ADAM32: variants seen among roughly 807,000 people sequenced by gnomAD.
The protein encoded by ADAM32 is disintegrin and metalloproteinase domain-containing protein 32.
ADAM32 carries 89 observed loss-of-function variants against 114.9 expected under a neutral mutation model. The observed-to-expected ratio is 0.77, with a 90% CI of 0.65 to 0.92. The LOEUF is 0.92. Ranked by LOEUF, ADAM32 falls within the 40% of genes least tolerant of loss-of-function variation. ADAM32 has a pLI of 0.00. For missense variants in ADAM32, 870 were observed against 932.8 expected, an observed-to-expected ratio of 0.93 and a Z score of 0.88; for synonymous variants, 285 against 307.5, an observed-to-expected ratio of 0.93 and a Z score of 0.77.
At chr8:39,154,655 A>C (rs1195024098) in intron 6 of ADAM32, among the ~76,000 whole-genome samples, 1 of 152,200 alleles carries the variant, frequency 6.6e-6, no homozygotes, top group East Asian at 1.9e-4. Flanking sequence ...CACTCCCACC[A>C]ACAGTGTAAA....
intron 11 of ADAM32, among the ~76,000 whole-genome samples, chr8:39,191,790 A>T (rs1806631205): frequency 6.6e-6 from 1 of 151,930 alleles, no homozygotes; most frequent in Non-Finnish European, 1.5e-5. Flanking sequence ...TTTTGTTGTA[A>T]TTGCTTTTGG....
At chr8:39,209,846 C>G (rs1808096954) in intron 11 of ADAM32, among the ~76,000 whole-genome samples, 2 of 152,148 alleles carry the variant, frequency 1.3e-5, no homozygotes, top group African/African-American at 2.4e-5. Context: ...AGGAGTTGCT[C>G]TCTATACTGC....
chr8:39,272,888 AAC>A (rs1287808903), intron 20 of ADAM32, among the ~76,000 whole-genome samples: 1 of 152,230 alleles, frequency 6.6e-6, no homozygotes, highest in East Asian at 1.9e-4. Flanking sequence ...CTCAAAAACA[AAC>A]ACATTGTACA....
chr8:39,173,822 A>G (rs1585455625), intron 10 of ADAM32, among the ~76,000 whole-genome samples: 3 of 151,726 alleles, frequency 2.0e-5, no homozygotes, highest in Admixed American at 2.0e-4. Context: ...TTTAATCCAT[A>G]TTGGGTTAAT....
At chr8:39,224,894 A>G (rs1232896471) in intron 14 of ADAM32, among the ~76,000 whole-genome samples, 1 of 152,202 alleles carries the variant, frequency 6.6e-6, no homozygotes, top group Non-Finnish European at 1.5e-5. Flanking sequence ...GTAAAGAAGG[A>G]TTGCTGATTA....
At chr8:39,123,552 G>C (rs114793015) in intron 2 of ADAM32, among the ~76,000 whole-genome samples, 1 of 151,942 alleles carries the variant, frequency 6.6e-6, no homozygotes, top group Non-Finnish European at 1.5e-5. Flanking sequence ...AAACTGCTTG[G>C]ATTTTGATAG....
At chr8:39,241,283 G>A (rs1388234121) in intron 16 of ADAM32, among the ~76,000 whole-genome samples, 2 of 152,234 alleles carry the variant, frequency 1.3e-5, no homozygotes, top group Non-Finnish European at 2.9e-5. Flanking sequence ...AATGTCTGCA[G>A]CTTTTCCAGG....
At chr8:39,196,934 A>G (rs540677258) in intron 11 of ADAM32, among the ~76,000 whole-genome samples, 1 of 152,096 alleles carries the variant, frequency 6.6e-6, no homozygotes, top group Non-Finnish European at 1.5e-5. Context: ...TCTTCCTTAT[A>G]TGTTTGATAG....
At chr8:39,254,751 G>A (rs1277744165) in intron 18 of ADAM32, among the ~76,000 whole-genome samples, 2 of 151,806 alleles carry the variant, frequency 1.3e-5, no homozygotes, top group Admixed American at 6.6e-5. Context: ...AGGAATAGGT[G>A]GATTTTGGTA....
At chr8:39,151,650 T>G in intron 6 of ADAM32, 102 bp downstream of exon 6, 1 of 840,316 alleles carries the variant, frequency 1.2e-6, no homozygotes, top group Non-Finnish European at 1.7e-6. Flanking sequence ...TTGTAGCAAA[T>G]ATCCTTTCCT....
chr8:39,149,159 T>A (rs1803675617), intron 4 of ADAM32, among the ~76,000 whole-genome samples: 1 of 152,206 alleles, frequency 6.6e-6, no homozygotes, highest in South Asian at 2.1e-4. Flanking sequence ...AAAAACTTTT[T>A]TATAACTGTA....
chr8:39,170,060 T>C (rs1468215913), intron 10 of ADAM32, 63 bp downstream of exon 10: 16 of 1,268,660 alleles, frequency 1.3e-5, no homozygotes, highest in Non-Finnish European at 1.7e-5. Flanking sequence ...GACATGATAG[T>C]ATATATTTTG....
chr8:39,250,216 T>C (rs1338327647), intron 17 of ADAM32, among the ~76,000 whole-genome samples: 1 of 152,058 alleles, frequency 6.6e-6, no homozygotes, highest in Admixed American at 6.5e-5. Flanking sequence ...ATGTATGTTA[T>C]ACATTTTTTT....
chr8:39,237,322 C>A (rs1810231590), intron 16 of ADAM32, among the ~76,000 whole-genome samples: 1 of 152,128 alleles, frequency 6.6e-6, no homozygotes, highest in South Asian at 2.1e-4. Flanking sequence ...TCCAGCTCAA[C>A]CTTGTAAAAA....
chr8:39,154,185 C>T (rs1804006687), intron 6 of ADAM32, among the ~76,000 whole-genome samples: 1 of 151,928 alleles, frequency 6.6e-6, no homozygotes, highest in Non-Finnish European at 1.5e-5. Context: ...GCTATCCCTC[C>T]CCTACCCCCC....
chr8:39,228,200 T>A (rs1405140678), intron 14 of ADAM32, among the ~76,000 whole-genome samples: 1 of 152,088 alleles, frequency 6.6e-6, no homozygotes, highest in African/African-American at 2.4e-5. Flanking sequence ...CCCTAGACCT[T>A]CCCTCTGACA....
chr8:39,229,464 C>T (rs1162529759), intron 14 of ADAM32, among the ~76,000 whole-genome samples: 3 of 152,134 alleles, frequency 2.0e-5, no homozygotes, highest in African/African-American at 7.2e-5. Flanking sequence ...TCACCTAACA[C>T]ATAAGAACTC....
At chr8:39,196,797 CT>C (rs924935572) in intron 11 of ADAM32, among the ~76,000 whole-genome samples, 1 of 150,858 alleles carries the variant, frequency 6.6e-6, no homozygotes, top group East Asian at 1.9e-4. Context: ...CTGTAGTTTT[CT>C]TTTTTTTTGT....
At chr8:39,133,118 G>A (rs1306459704) in intron 2 of ADAM32, among the ~76,000 whole-genome samples, 1 of 152,158 alleles carries the variant, frequency 6.6e-6, no homozygotes, top group Non-Finnish European at 1.5e-5. Flanking sequence ...TGACCTCAGT[G>A]TTGGAAGTGG....
Sources: gnomAD v4.1 joint callset for allele counts (sites outside exome capture counted in the v4.1 genomes callset) on GRCh38, gnomAD v4.1.1 for gene constraint, MANE v1.5 for transcripts, NCBI Gene and HGNC (gene_info 2026-07-23, HGNC 2026-07-21) for gene names.